The following TBC1D19 variants were observed in gnomAD, a reference collection of about 807,000 sequenced individuals.
TBC1D19 encodes TBC1 domain family, member 19.
A neutral mutation model predicts 89.0 loss-of-function variants in TBC1D19; 60 were observed. The ratio of observed to expected loss-of-function variants is 0.67; its 90% CI spans 0.55 to 0.84. The LOEUF (loss-of-function observed/expected upper bound fraction) is 0.84, where lower values mean the gene tolerates loss of function less well. TBC1D19 is among the 40% of genes least tolerant of loss of function. The probability of loss-of-function intolerance (pLI) is 0.00; values close to 1 mark genes in which losing one functional copy is unlikely to be tolerated. For synonymous variants in TBC1D19, 189 were observed against 199.7 expected (o/e 0.95, Z 0.45); for missense variants, 500 against 610.8 (o/e 0.82, Z 1.91).
the TBC1D19 span, among the ~76,000 whole-genome samples, chr4:26,849,199 CAA>C: frequency 1.1e-4 from 8 of 72,712 alleles, no homozygotes; most frequent in African/African-American, 3.8e-4. Context: ...CACACACACA[CAA>C]ACACACACAC....
the TBC1D19 span, among the ~76,000 whole-genome samples, chr4:26,781,861 T>C: frequency 6.6e-6 from 1 of 152,088 alleles, no homozygotes; most frequent in African/African-American, 2.4e-5. Flanking sequence ...ATAAAAATGA[T>C]TTGAGCATTT....
chr4:26,833,729 G>A, the TBC1D19 span, among the ~76,000 whole-genome samples: 1 of 152,234 alleles, frequency 6.6e-6, no homozygotes, highest in African/African-American at 2.4e-5. Context: ...ACATTCTGTT[G>A]CCTCTTAGTG....
At chr4:26,824,571 T>C in the TBC1D19 span, among the ~76,000 whole-genome samples, 1 of 152,232 alleles carries the variant, frequency 6.6e-6, no homozygotes, top group Admixed American at 6.5e-5. Context: ...TCTGGGTCTT[T>C]TTCGTATGCA....
At chr4:26,757,959 T>C (rs1719332863), downstream of TBC1D19, among the ~76,000 whole-genome samples, 1 of 152,180 alleles carries the variant, frequency 6.6e-6, no homozygotes, top group Non-Finnish European at 1.5e-5. Flanking sequence ...TTCATTCCTA[T>C]GTTCCCACAA....
the TBC1D19 span, among the ~76,000 whole-genome samples, chr4:26,832,410 C>A: frequency 1.3e-5 from 2 of 152,110 alleles, no homozygotes; most frequent in Admixed American, 6.5e-5. Context: ...GCTTGTCCAA[C>A]TGGGGAGAAA....
intron 11 of TBC1D19, among the ~76,000 whole-genome samples, chr4:26,683,087 A>G (rs932122326): frequency 6.6e-6 from 1 of 152,158 alleles, no homozygotes; most frequent in Non-Finnish European, 1.5e-5. Context: ...CTGACTTTAT[A>G]TCCTATATGA....
chr4:26,683,815 T>C lies in TBC1D19; in HGVS notation c.891+66T>C. 6 of 1,296,052 alleles carry C rather than the reference T, an allele frequency of 4.6e-6. No individual in the cohort carries two copies. In the South Asian group the frequency reaches 7.6e-5, roughly 16 times the overall value. 80.3% of individuals were successfully genotyped at this position (1,296,052 alleles called of 1,614,324 possible). ...AATTTAGAATTGAGATTCTTCAGTA[T>C]GCAGAGCCTGTGCTATGTATGATAT... is the stretch of plus-strand genomic sequence containing the variant. On this transcript the variant is annotated intron_variant, in intron 12 of 20. Coordinates refer to ENST00000264866, the MANE Select transcript of TBC1D19 (RefSeq NM_018317.4).
chr4:26,746,263 G>T (rs777765158), intron 18 of TBC1D19, among the ~76,000 whole-genome samples: 2 of 145,642 alleles, frequency 1.4e-5, no homozygotes, highest in Non-Finnish European at 3.0e-5. Flanking sequence ...ATAGAGATAG[G>T]TTCTTGCTTT....
At chr4:26,826,550 G>T in the TBC1D19 span, among the ~76,000 whole-genome samples, 1 of 152,268 alleles carries the variant, frequency 6.6e-6, no homozygotes, top group South Asian at 2.1e-4. Context: ...AACATAAAAT[G>T]CTTCTCATCT....
the TBC1D19 span, among the ~76,000 whole-genome samples, chr4:26,834,551 C>T: frequency 1.3e-4 from 19 of 148,722 alleles, 1 homozygote; most frequent in South Asian, 3.2e-3. Flanking sequence ...CTATGGGGGG[C>T]GGGGGTGGTG....
intron 8 of TBC1D19, among the ~76,000 whole-genome samples, chr4:26,662,229 A>G (rs1003503687): frequency 6.6e-6 from 1 of 152,238 alleles, no homozygotes; most frequent in African/African-American, 2.4e-5. Context: ...TAATGAAACC[A>G]TTAATATTCT....
At chr4:26,775,619 G>A in the TBC1D19 span, among the ~76,000 whole-genome samples, 10 of 152,092 alleles carry the variant, frequency 6.6e-5, no homozygotes, top group African/African-American at 2.4e-4. Context: ...ACAGCAAAAA[G>A]GTCCTCTCCA....
chr4:26,732,753 G>A (rs1717742797), intron 15 of TBC1D19, among the ~76,000 whole-genome samples: 1 of 152,162 alleles, frequency 6.6e-6, no homozygotes. Flanking sequence ...CTGCAAACCT[G>A]ACTGCTGCTT....
At chr4:26,853,712 A>G in the TBC1D19 span, among the ~76,000 whole-genome samples, 1 of 151,850 alleles carries the variant, frequency 6.6e-6, no homozygotes, top group East Asian at 1.9e-4. Context: ...TAATTTTTGT[A>G]TTTTAGTAGA....
At chr4:26,699,038 C>T (rs771702173) in intron 13 of TBC1D19, among the ~76,000 whole-genome samples, 3 of 152,302 alleles carry the variant, frequency 2.0e-5, no homozygotes, top group Non-Finnish European at 4.4e-5. Context: ...GAAGGAGCTT[C>T]TGCACAGCAA....
At chr4:26,662,637 C>T (rs974837574) in intron 8 of TBC1D19, among the ~76,000 whole-genome samples, 1 of 152,100 alleles carries the variant, frequency 6.6e-6, no homozygotes, top group African/African-American at 2.4e-5. Flanking sequence ...AACGAGAAAA[C>T]TGAAATTTTT....
chr4:26,654,390 C>T (rs1018403854), intron 7 of TBC1D19, among the ~76,000 whole-genome samples: 3 of 152,110 alleles, frequency 2.0e-5, no homozygotes, highest in Non-Finnish European at 4.4e-5. Flanking sequence ...TTCTGGCGTT[C>T]TCTGTATTTC....
At chr4:26,734,083 A>T (rs1407282434) in intron 15 of TBC1D19, among the ~76,000 whole-genome samples, 3 of 152,210 alleles carry the variant, frequency 2.0e-5, no homozygotes, top group Non-Finnish European at 2.9e-5. Flanking sequence ...ATAGAAGATA[A>T]ATTAGATTTG....
chr4:26,809,534 C>T, the TBC1D19 span, among the ~76,000 whole-genome samples: 4 of 152,116 alleles, frequency 2.6e-5, no homozygotes. Context: ...CCTATTCCAC[C>T]AAGTAGGTTA....
Sources: allele counts gnomAD v4.1 joint callset (sites outside exome capture counted in the v4.1 genomes callset), GRCh38; gene constraint gnomAD v4.1.1; transcripts MANE v1.5; gene names NCBI Gene and HGNC (gene_info 2026-07-23, HGNC 2026-07-21).